Variants in CCDC91 observed in about 807,000 individuals in gnomAD.
CCDC91 encodes coiled-coil domain containing 91, also known as coiled-coil domain-containing protein 91.
In CCDC91, 48 loss-of-function variants were observed where a neutral mutation model predicts 63.2. The ratio of observed to expected loss-of-function variants is 0.76; its 90% CI spans 0.60 to 0.97. The LOEUF is 0.97. Among genes scored for constraint, CCDC91 ranks in the 50% least tolerant of loss-of-function variants. CCDC91 has a pLI of 0.00. For synonymous variants in CCDC91, 167 were observed against 165.8 expected (o/e 1.01, Z -0.06); for missense variants, 500 against 494.6 (o/e 1.01, Z -0.10).
At chr12:28,415,046 G>A (rs963599194) in intron 8 of CCDC91, among the ~76,000 whole-genome samples, 12 of 152,192 alleles carry the variant, frequency 7.9e-5, no homozygotes, top group Non-Finnish European at 1.5e-5. Flanking sequence ...GATACCTCTA[G>A]GGTTTTAAAT....
intron 12 of CCDC91, among the ~76,000 whole-genome samples, chr12:28,514,202 C>G (rs765973464): frequency 4.6e-5 from 7 of 151,956 alleles, no homozygotes; most frequent in Non-Finnish European, 1.0e-4. Context: ...TTGCATTTCT[C>G]TAATGATCAG....
At chr12:28,367,575 A>C (rs1944355185) in intron 7 of CCDC91, among the ~76,000 whole-genome samples, 1 of 152,220 alleles carries the variant, frequency 6.6e-6, no homozygotes, top group African/African-American at 2.4e-5. Context: ...AAAAACATTC[A>C]AAGTAAGATT....
intron 1 of CCDC91, among the ~76,000 whole-genome samples, chr12:28,250,331 G>A (rs555975814): frequency 6.6e-6 from 1 of 152,184 alleles, no homozygotes; most frequent in Non-Finnish European, 1.5e-5. Flanking sequence ...TGAATATAAT[G>A]TTTTTTAGGT....
intron 7 of CCDC91, among the ~76,000 whole-genome samples, chr12:28,386,647 G>A (rs529368860): frequency 2.6e-5 from 4 of 152,288 alleles, no homozygotes; most frequent in African/African-American, 9.6e-5. Flanking sequence ...GATTACAGGC[G>A]TGAGCCACTC....
rs576440941 is a variant in CCDC91 at position 28,482,504 on chromosome 12, A to G, written c.1102-1548A>G. ...TACCAATATTAAAGTGATAGATGAT[A>G]TGATCAAGCAAATGACAAGAGAAAA... On this transcript the variant is annotated intron_variant, in intron 11 of 12. Transcript: ENST00000536442. Among the ~76,000 whole-genome samples, 8 of 152,086 alleles carry G rather than the reference A, an allele frequency of 5.3e-5. No individual in the cohort carries two copies. In the East Asian group the frequency reaches 1.5e-3, roughly 29 times the overall value.
chr12:28,459,427 C>A lies in CCDC91; in HGVS notation c.1101+6773C>A, dbSNP rs1950203194. On this transcript the variant is annotated intron_variant, in intron 11 of 12. Coordinates refer to ENST00000536442, the MANE Select transcript of CCDC91 (RefSeq NM_018318.5). ...CACTGTTTTAAGGAGACATACTAAT[C>A]TTTAAAAAATCAACTGGGTCTCCAA... Among the ~76,000 whole-genome samples, 4 of 152,256 alleles carry A rather than the reference C, an allele frequency of 2.6e-5. No individual in the cohort carries two copies. In the South Asian group the frequency reaches 8.3e-4, roughly 32 times the overall value.
chr12:28,532,482 A>G (rs1448942481), intron 12 of CCDC91, among the ~76,000 whole-genome samples: 3 of 152,138 alleles, frequency 2.0e-5, no homozygotes, highest in African/African-American at 2.4e-5. Context: ...ATAGATGACA[A>G]CTAAGTTTTA....
chr12:28,447,580 G>A (rs1278844934), intron 8 of CCDC91, among the ~76,000 whole-genome samples: 2 of 149,678 alleles, frequency 1.3e-5, no homozygotes, highest in Admixed American at 6.7e-5. Context: ...GGCTGGGCAC[G>A]GCGGCTCATC....
chr12:28,210,253 C>T (rs1374534998), intron 1 of CCDC91, among the ~76,000 whole-genome samples: 46 of 152,208 alleles, frequency 3.0e-4, no homozygotes, highest in Admixed American at 2.9e-3. Flanking sequence ...TAATTTAGAT[C>T]GTATATCTTT....
At chr12:28,521,915 G>T (rs1170327917) in intron 12 of CCDC91, among the ~76,000 whole-genome samples, 1 of 152,158 alleles carries the variant, frequency 6.6e-6, no homozygotes, top group Admixed American at 6.6e-5. Context: ...GCATCCCAGG[G>T]ATGAAGCCAA....
intron 3 of CCDC91, among the ~76,000 whole-genome samples, chr12:28,299,050 T>C (rs1937749303): frequency 1.3e-5 from 2 of 151,660 alleles, no homozygotes; most frequent in African/African-American, 2.4e-5. Context: ...TATATATTTT[T>C]AGTGGTAGCA....
At chr12:28,541,038 A>T (rs73087984) in intron 12 of CCDC91, among the ~76,000 whole-genome samples, 90 of 152,220 alleles carry the variant, frequency 5.9e-4, no homozygotes, top group Middle Eastern at 3.4e-3. Context: ...AAAGAACATG[A>T]CCCAGAGGCA....
chr12:28,438,304 A>C (rs1184509032), intron 8 of CCDC91, among the ~76,000 whole-genome samples: 1 of 152,254 alleles, frequency 6.6e-6, no homozygotes, highest in African/African-American at 2.4e-5. Flanking sequence ...AGTACTTTAC[A>C]AAAGGGCTTG....
At chr12:28,215,618 C>A in intron 1 of CCDC91, among the ~76,000 whole-genome samples, 1 of 151,756 alleles carries the variant, frequency 6.6e-6, no homozygotes, top group Non-Finnish European at 1.5e-5. Context: ...CCAAAGGCAA[C>A]TTAAGAAATA....
chr12:28,226,709 A>G (rs1944292899), intron 1 of CCDC91, among the ~76,000 whole-genome samples: 2 of 152,300 alleles, frequency 1.3e-5, no homozygotes, highest in South Asian at 4.1e-4. Context: ...TCCATTCTGT[A>G]TTAATATTCC....
intron 1 of CCDC91, among the ~76,000 whole-genome samples, chr12:28,241,969 G>A (rs7303747): frequency 0.21 from 29,422 of 138,684 alleles, 3,980 homozygotes; most frequent in Non-Finnish European, 0.31. Context: ...ACACTCCAGC[G>A]TGGGCGACAG....
intron 11 of CCDC91, among the ~76,000 whole-genome samples, chr12:28,458,431 T>C (rs1950151051): frequency 6.8e-6 from 1 of 146,624 alleles, no homozygotes. Flanking sequence ...TCCTAGATTT[T>C]CCCTTTTGTC....
chr12:28,201,590 G>C (rs1942428944), intron 1 of CCDC91, among the ~76,000 whole-genome samples: 1 of 146,660 alleles, frequency 6.8e-6, no homozygotes, highest in Non-Finnish European at 1.5e-5. Context: ...GCGATGGGCG[G>C]CCAGGCAGAG....
intron 3 of CCDC91, among the ~76,000 whole-genome samples, chr12:28,302,311 TTGAATGTTGCCAACTTATAACTTCAA>T (rs1938162618): frequency 6.6e-6 from 1 of 151,992 alleles, no homozygotes; most frequent in African/African-American, 2.4e-5. Flanking sequence ...AAAGCTTGTT[TTGAATGTTGCCAACTTATAACTTCAA>T]TGACAACTTC....
Sources: allele counts gnomAD v4.1 joint callset (sites outside exome capture counted in the v4.1 genomes callset), GRCh38; gene constraint gnomAD v4.1.1; transcripts MANE v1.5; gene names NCBI Gene and HGNC (gene_info 2026-07-23, HGNC 2026-07-21).